Variants in FAM210A observed in about 807,000 individuals in gnomAD.
FAM210A encodes the protein family with sequence similarity 210 member A.
Under a neutral mutation model 25.3 loss-of-function variants are expected in FAM210A, and 13 were observed. That is an observed-to-expected ratio of 0.51 (90% CI 0.33 to 0.82). The LOEUF is 0.82. FAM210A is among the 40% of genes least tolerant of loss of function. FAM210A has a pLI of 0.02. For missense variants in FAM210A, 319 were observed against 323.2 expected (o/e 0.99, Z 0.10); for synonymous variants, 125 against 118.7 (o/e 1.05, Z -0.35).
At chr18:13,690,061 T>C (rs1036182970) in intron 1 of FAM210A, among the ~76,000 whole-genome samples, 1 of 152,152 alleles carries the variant, frequency 6.6e-6, no homozygotes, top group Non-Finnish European at 1.5e-5. Context: ...CCCACCCTAA[T>C]ACTGCGCTTT....
chr18:13,709,727 G>A (rs2043807332), intron 1 of FAM210A, among the ~76,000 whole-genome samples: 2 of 152,088 alleles, frequency 1.3e-5, no homozygotes, highest in Non-Finnish European at 2.9e-5. Context: ...TAAAACTAAG[G>A]CTTGCTGGCA....
At chr18:13,673,587 A>T (rs78166590) in intron 2 of FAM210A, among the ~76,000 whole-genome samples, 1 of 146,498 alleles carries the variant, frequency 6.8e-6, no homozygotes, top group African/African-American at 2.6e-5. Flanking sequence ...CTGATTATTA[A>T]CATTCCTGAG....
intron 3 of FAM210A, 47 bp downstream of exon 3, chr18:13,671,815 C>T (rs1464279115): frequency 2.4e-6 from 3 of 1,228,010 alleles, no homozygotes; most frequent in Admixed American, 3.5e-5. Flanking sequence ...GTGAGCAGGT[C>T]ACCACCAGTG....
intron 1 of FAM210A, among the ~76,000 whole-genome samples, chr18:13,720,370 T>C (rs1171871920): frequency 6.6e-6 from 1 of 152,140 alleles, no homozygotes; most frequent in African/African-American, 2.4e-5. Context: ...AAACTAGCAG[T>C]ATTTTAGGTC....
At position 13,711,778 on chromosome 18, in the gene FAM210A, C is replaced by T. The variant is rs914938735; in HGVS notation, c.-29+14551G>A. The stretch of plus-strand genomic sequence containing the variant: ...TTCCTGTCCAGATTTTTTTCTGACT[C>T]TCAGCATCCACCTGGATTGCTCAAC... On this transcript the variant is annotated intron_variant, in intron 1 of 3. Coordinates refer to ENST00000651643, the MANE Select transcript of FAM210A (RefSeq NM_152352.4). Among the ~76,000 whole-genome samples, 3 of 152,222 alleles carry T rather than the reference C, an allele frequency of 2.0e-5. No homozygotes were observed. The East Asian group carries it at 5.8e-4, about 29-fold the overall frequency.
intron 1 of FAM210A, among the ~76,000 whole-genome samples, chr18:13,687,516 G>A (rs1466781574): frequency 5.3e-5 from 8 of 152,092 alleles, no homozygotes; most frequent in African/African-American, 1.9e-4. Flanking sequence ...AGACAAAATG[G>A]CAGAGTATGA....
chr18:13,708,683 CTGGTCATGCCCT>C (rs2043799289), intron 1 of FAM210A, among the ~76,000 whole-genome samples: 1 of 152,212 alleles, frequency 6.6e-6, no homozygotes, highest in Non-Finnish European at 1.5e-5. Context: ...ATTCATTTCA[CTGGTCATGCCCT>C]TGGCCTTGAA....
At chr18:13,711,503 T>C (rs2043821298) in intron 1 of FAM210A, among the ~76,000 whole-genome samples, 1 of 152,258 alleles carries the variant, frequency 6.6e-6, no homozygotes, top group Non-Finnish European at 1.5e-5. Flanking sequence ...AAGGAGCTTC[T>C]ATTGATACCT....
chr18:13,712,774 T>C (rs1167896476), intron 1 of FAM210A, among the ~76,000 whole-genome samples: 2 of 152,174 alleles, frequency 1.3e-5, no homozygotes, highest in Non-Finnish European at 2.9e-5. Flanking sequence ...GTTTACAGTA[T>C]TTTGCTACAG....
chr18:13,724,309 C>A (rs929567528), intron 1 of FAM210A, among the ~76,000 whole-genome samples: 1 of 152,212 alleles, frequency 6.6e-6, no homozygotes, highest in African/African-American at 2.4e-5. Context: ...TTAGCAGAGT[C>A]TGGTCAATCA....
At chr18:13,717,331 CAG>C (rs2043868698) in intron 1 of FAM210A, among the ~76,000 whole-genome samples, 1 of 152,142 alleles carries the variant, frequency 6.6e-6, no homozygotes, top group Admixed American at 6.5e-5. Context: ...TTTTTAGAGA[CAG>C]AGTGTCACTC....
intron 1 of FAM210A, among the ~76,000 whole-genome samples, chr18:13,684,912 T>G (rs1615908): frequency 1.3e-5 from 2 of 152,178 alleles, no homozygotes; most frequent in Non-Finnish European, 1.5e-5. Flanking sequence ...AGCCGGGAAC[T>G]CCCCCCACTC....
At chr18:13,717,875 T>C (rs1229901152) in intron 1 of FAM210A, among the ~76,000 whole-genome samples, 1 of 152,186 alleles carries the variant, frequency 6.6e-6, no homozygotes, top group Non-Finnish European at 1.5e-5. Context: ...AGTTTTCTGC[T>C]GGCCTCAAGG....
intron 1 of FAM210A, among the ~76,000 whole-genome samples, chr18:13,717,671 G>C (rs889105861): frequency 1.3e-5 from 2 of 152,186 alleles, no homozygotes; most frequent in African/African-American, 2.4e-5. Flanking sequence ...ATGGATTAGA[G>C]AGCAAAAAGC....
chr18:13,702,819 C>A (rs1309447643), intron 1 of FAM210A, among the ~76,000 whole-genome samples: 1 of 152,146 alleles, frequency 6.6e-6, no homozygotes, highest in Non-Finnish European at 1.5e-5. Flanking sequence ...GATTCTCTTC[C>A]CCTCCAGGAA....
chr18:13,693,090 C>A (rs1412235246), intron 1 of FAM210A, among the ~76,000 whole-genome samples: 2 of 152,168 alleles, frequency 1.3e-5, no homozygotes, highest in Non-Finnish European at 2.9e-5. Context: ...CACAGAAATA[C>A]AAACTACCAT....
At chr18:13,706,617 C>T (rs1179452317) in intron 1 of FAM210A, among the ~76,000 whole-genome samples, 1 of 152,128 alleles carries the variant, frequency 6.6e-6, no homozygotes, top group African/African-American at 2.4e-5. Flanking sequence ...TTGTTAGGTC[C>T]TTTTTTCACG....
chr18:13,669,390 T>G (rs1024013424), intron 3 of FAM210A, among the ~76,000 whole-genome samples: 31 of 152,298 alleles, frequency 2.0e-4, no homozygotes, highest in African/African-American at 7.2e-4. Context: ...GACACGCCAT[T>G]CTCTGCCCTG....
chr18:13,666,390 A>ATATACTTTCTTGTAACTTTTCAGTGAGT lies in FAM210A; in HGVS notation c.*89_*90insACTCACTGAAAAGTTACAAGAAAGTATA. 3 of 1,067,838 alleles carry ATATACTTTCTTGTAACTTTTCAGTGAGT rather than the reference A, an allele frequency of 2.8e-6. No homozygotes were observed. Among genetic ancestry groups the ATATACTTTCTTGTAACTTTTCAGTGAGT allele is most frequent in the Non-Finnish European group, 4.1e-6 (3 of 736,982 alleles). 66.1% of individuals were successfully genotyped at this position (1,067,838 alleles called of 1,614,324 possible). A position where few individuals can be genotyped will look rare whatever the true frequency, so the allele number is the denominator to read the frequency against. ...GAGAACTAGTATATTTCGGCAACTAACCAAAAAAATAATCAGACACATGTA... is the reference window on the plus strand; with the variant it reads ...GAGAACTAGTATATTTCGGCAACTAATATACTTTCTTGTAACTTTTCAGTGAGTCCAAAAAAATAATCAGACACATGTA... On this transcript the variant is annotated 3_prime_UTR_variant, in exon 4 of 4. Transcript: ENST00000651643.
Sources: gnomAD v4.1 joint callset for allele counts (sites outside exome capture counted in the v4.1 genomes callset) on GRCh38, gnomAD v4.1.1 for gene constraint, MANE v1.5 for transcripts, NCBI Gene and HGNC (gene_info 2026-07-23, HGNC 2026-07-21) for gene names.